The following ISYNA1 variants were observed in gnomAD, a reference collection of about 807,000 sequenced individuals.
ISYNA1 encodes the protein MI-1-P synthase.
A neutral mutation model predicts 50.3 loss-of-function variants in ISYNA1; 34 were observed. The ratio of observed to expected loss-of-function variants is 0.68; its 90% confidence interval spans 0.51 to 0.90. The LOEUF (loss-of-function observed/expected upper bound fraction) is 0.90, where lower values mean the gene tolerates loss of function less well. Ranked by LOEUF, ISYNA1 falls within the 40% of genes least tolerant of loss-of-function variation. The probability of loss-of-function intolerance (pLI) is 0.00; values close to 1 mark genes in which losing one functional copy is unlikely to be tolerated. For synonymous variants in ISYNA1, 396 were observed against 349.9 expected, an observed-to-expected ratio of 1.13 and a Z score of -1.47; for missense variants, 718 against 784.8, an observed-to-expected ratio of 0.91 and a Z score of 1.02.
Position 18,436,083 on chromosome 19 carries a change from C to T in ISYNA1, c.924G>A (p.Gln308=), listed in dbSNP as rs182999099. ...CCACAAGCACGGACTTGACTTTGGT[C>T]TGGCCTGACTTGAAGTCATCTCCGC... ...FVGGDDFKSG[Q]TKVKSVLVDF... is the part of the protein sequence containing the mutation. Residue 308 remains glutamine (Q), a synonymous_variant, in exon 7 of 11, where the codon CAG becomes CAA. Coordinates refer to ENST00000338128, the MANE Select transcript of ISYNA1 (RefSeq NM_016368.5). 1,022 of 1,613,278 alleles carry T rather than the reference C, an allele frequency of 6.3e-4. 2 individuals are homozygous for T. The highest frequency in any genetic ancestry group is 7.1e-4 in the Non-Finnish European group (834 of 1,179,952).
chr19:18,437,023 G>A lies in ISYNA1; in HGVS notation c.365C>T (p.Pro122Leu), dbSNP rs1241915245. ...CACCATGGGCAGCACCGCGCTGAAG[G>A]GTACGAACACCTCCTGGCCCTCGGC... ...LDAEGQEVFV[P>L]FSAVLPMVAP... is the part of the protein sequence containing the mutation. Residue 122 changes from proline to leucine, a missense_variant, in exon 4 of 11, where the codon CCC becomes CTC. Pro to Leu is a moderately conservative substitution (Grantham distance 98, BLOSUM62 -3). Coordinates refer to ENST00000338128, the MANE Select transcript of ISYNA1 (RefSeq NM_016368.5). 3.1e-6 allele frequency: 5 copies of A among 1,611,060 alleles called. No individual in the cohort carries two copies. The highest frequency in any genetic ancestry group is 4.2e-6 in the Non-Finnish European group (5 of 1,179,568).
intron 6 of ISYNA1, 37 bp downstream of exon 6, chr19:18,436,293 G>T: frequency 6.2e-7 from 1 of 1,609,174 alleles, no homozygotes. Context: ...TCTGTGACTG[G>T]CCCTGCCTGA....
Position 18,435,342 on chromosome 19 carries a change from C to A in ISYNA1, c.1396G>T (p.Ala466Ser), listed in dbSNP as rs1214303320. 32 of 1,610,408 alleles carry A rather than the reference C, an allele frequency of 2.0e-5. 1 individual carries two copies. The East Asian group carries it at 7.1e-4, about 36-fold the overall frequency. The change falls in exon 10 of 11, where the codon GCG (alanine) becomes TCG (serine). Residue 466 changes from alanine (A) to serine (S), a missense_variant. Coordinates refer to ENST00000338128, the MANE Select transcript of ISYNA1 (RefSeq NM_016368.5). ...GGGCTGCCGGGCGGCACTAGTGGCGCCTTGAAGAGGAAGCTGAGCAGGGAC... is the reference window on the plus strand; with the variant it reads ...GGGCTGCCGGGCGGCACTAGTGGCGACTTGAAGAGGAAGCTGAGCAGGGAC... ...VLSLLSFLFKAPLVPPGSPVV... is the reference protein window; with the variant it reads ...VLSLLSFLFKSPLVPPGSPVV...
chr19:18,436,566 G>T, intron 5 of ISYNA1, 87 bp from the exon 6 acceptor site: 1 of 1,596,698 alleles, frequency 6.3e-7, no homozygotes, highest in Non-Finnish European at 8.5e-7. Flanking sequence ...CAGAGGCCTG[G>T]GCTACTCAGT....
rs769628350 is a variant in ISYNA1, at chr19:18,436,724, G to A, written c.569C>T (p.Ala190Val). The A allele has an allele frequency of 1.3e-5, 20 of 1,566,498 alleles. No homozygotes were observed. Among genetic ancestry groups the A allele is most frequent in the Non-Finnish European group, 1.6e-5 (19 of 1,159,468 alleles). Residue 190 changes from alanine to valine, a missense_variant, in exon 5 of 11, where the codon GCG becomes GTG. By Grantham distance (64) the Ala-to-Val change is moderately conservative. This residue lies in a region of ISYNA1 where 403 missense variants were observed against 466.6 expected (regional missense o/e 0.86). Transcript: ENST00000338128. ...GCCTGGGATGAGGTTGTCCGCGCGC[G>A]CGCTCTGGTTGGCCGCGATGAATTC... ...IPEFIAANQS[A>V]RADNLIPGSR... is the part of the protein sequence containing the mutation.
Position 18,436,107 on chromosome 19 carries a change from G to T in ISYNA1, c.900C>A (p.Gly300=). The change falls in exon 7 of 11, where the codon GGC becomes GGA. Residue 300 remains glycine, a synonymous_variant. Transcript: ENST00000338128. The part of the protein sequence containing the change: ...ELAWQHRVFV[G]GDDFKSGQTK... ...TCTGGCCTGACTTGAAGTCATCTCCGCCCACAAAAACCCGGTGCTGCCACG... is the reference window on the plus strand; with the variant it reads ...TCTGGCCTGACTTGAAGTCATCTCCTCCCACAAAAACCCGGTGCTGCCACG... 1.2e-6 allele frequency: 2 copies of T among 1,612,926 alleles called. No individual in the cohort carries two copies.
In ISYNA1 at chr19:18,435,475, C is replaced by G; in HGVS notation, c.1263G>C (p.Leu421=). The change falls in exon 10 of 11, where the codon CTG becomes CTC. Residue 421 remains leucine, a synonymous_variant. Transcript: ENST00000338128. ...GGTCCAGCATGATGGGTGCGGCCAG[C>G]AGCGAGTCCTGCGGGGCGGGTGGGT... ...LVLHNTCEDS[L]LAAPIMLDLA... 1 of 1,608,774 alleles carries G rather than the reference C, an allele frequency of 6.2e-7. No homozygotes were observed. The highest frequency in any genetic ancestry group is 8.5e-7 in the Non-Finnish European group (1 of 1,179,662).
Position 18,437,847 on chromosome 19 carries a change from C to G in ISYNA1, c.120+13G>C. The G allele has an allele frequency of 1.2e-6, 2 of 1,611,138 alleles. No homozygotes were observed. Among genetic ancestry groups the G allele is most frequent in the Non-Finnish European group, 1.7e-6 (2 of 1,179,722 alleles). On this transcript the variant is annotated intron_variant, in intron 2 of 10. Transcript: ENST00000338128. ...CTCCCCAGCACGCCTCCTTCCTCAG[C>G]CCCCTGGTCCACCTTGAGAACGCCA... is the stretch of plus-strand genomic sequence containing the variant.
In ISYNA1 at chr19:18,437,970, C is replaced by G. The variant is rs760310639; in HGVS notation, c.10G>C (p.Ala4Pro). 6.3e-7 allele frequency: 1 copy of G among 1,579,244 alleles called. No individual in the cohort carries two copies. Among genetic ancestry groups the G allele is most frequent in the East Asian group, 2.3e-5 (1 of 42,944 alleles). ...GGGCTCTCGACGAAGAACTGGGCGG[C>G]GGCCTCCATCGCGGCGGGCTGGGGG... is the stretch of plus-strand genomic sequence containing the variant. Reference protein sequence around the residue: MEAAAQFFVESPDV... With the variant: MEAPAQFFVESPDV... Residue 4 changes from alanine (A) to proline (P), a missense_variant, in exon 2 of 11, where the codon GCC (alanine) becomes CCC (proline). Ala to Pro is a conservative substitution (Grantham distance 27). This residue lies in a region of ISYNA1 where 403 missense variants were observed against 466.6 expected (regional missense o/e 0.86). Transcript: ENST00000338128.
Position 18,435,634 on chromosome 19 carries a change from C to T in ISYNA1, c.1183G>A (p.Ala395Thr), listed in dbSNP as rs778239804. The T allele has an allele frequency of 6.2e-7, 1 of 1,611,538 alleles. No individual in the cohort carries two copies. Among genetic ancestry groups the T allele is most frequent in the African/African-American group, 1.3e-5 (1 of 74,926 alleles). Reference protein sequence around the residue: ...YVPYVGDSKRALDEYTSELML... With the variant: ...YVPYVGDSKRTLDEYTSELML... ...AGCTCCGAGGTATACTCATCCAGCG[C>T]GCGCTTGCTGTCACCCACGTACGGC... The change falls in exon 9 of 11, where the codon GCG (alanine) becomes ACG (threonine). Residue 395 changes from alanine to threonine, a missense_variant. Ala to Thr is a moderately conservative substitution (Grantham distance 58). This residue lies in a region of ISYNA1 where 305 missense variants were observed against 292.6 expected (regional missense o/e 1.04). Coordinates refer to ENST00000338128, the MANE Select transcript of ISYNA1 (RefSeq NM_016368.5).
chr19:18,438,101 A>G lies in ISYNA1; in HGVS notation c.-18T>C. 1 of 1,088,638 alleles carries G rather than the reference A, an allele frequency of 9.2e-7. No homozygotes were observed. Among genetic ancestry groups the G allele is most frequent in the Non-Finnish European group, 1.2e-6 (1 of 809,386 alleles). 67.4% of individuals were successfully genotyped at this position (1,088,638 alleles called of 1,614,324 possible). A position where few individuals can be genotyped will look rare whatever the true frequency, so the allele number is the denominator to read the frequency against. ...CCCCGAACCGCACTCACCGGCGCAGAGTCGACTCAGGCAGCGGCGGCGGAC... is the reference window on the plus strand; with the variant it reads ...CCCCGAACCGCACTCACCGGCGCAGGGTCGACTCAGGCAGCGGCGGCGGAC... On this transcript the variant is annotated 5_prime_UTR_variant, in exon 1 of 11. Coordinates refer to ENST00000338128, the MANE Select transcript of ISYNA1 (RefSeq NM_016368.5).
At chr19:18,435,165 AG>A (rs763517028) in intron 10 of ISYNA1, 48 bp from the exon 11 acceptor site, 29 of 1,603,006 alleles carry the variant, frequency 1.8e-5, no homozygotes, top group Middle Eastern at 1.7e-4. Flanking sequence ...ACAGGGAGAA[AG>A]GGGGGGTATC....
rs1240785990 is a variant in ISYNA1 at position 18,437,856 on chromosome 19, C to A, written c.120+4G>T. The A allele has an allele frequency of 1.2e-6, 2 of 1,611,648 alleles. No homozygotes were observed. Among genetic ancestry groups the A allele is most frequent in the Non-Finnish European group, 1.7e-6 (2 of 1,179,788 alleles). ...ACGCCTCCTTCCTCAGCCCCCTGGTCCACCTTGAGAACGCCACCCTCGCGG... is the reference window on the plus strand; with the variant it reads ...ACGCCTCCTTCCTCAGCCCCCTGGTACACCTTGAGAACGCCACCCTCGCGG... On this transcript the variant is annotated splice_donor_region_variant and intron_variant, in intron 2 of 10. Coordinates refer to ENST00000338128, the MANE Select transcript of ISYNA1 (RefSeq NM_016368.5).
chr19:18,437,405 C>T, intron 3 of ISYNA1, 194 bp downstream of exon 3: 2 of 1,148,468 alleles, frequency 1.7e-6, no homozygotes, highest in African/African-American at 1.6e-5. Flanking sequence ...GAGCTTCGCC[C>T]CCTGCAGGTC....
Position 18,434,975 on chromosome 19 carries a change from T to C in ISYNA1, c.1615A>G (p.Asn539Asp). Reference protein sequence around the residue: ...NKKGPVPAATNGCTGDANGHL... With the variant: ...NKKGPVPAATDGCTGDANGHL... ...CCATTGGCATCACCGGTGCAGCCAT[T>C]GGTGGCAGCGGGTACCGGTCCTTTC... Residue 539 changes from asparagine (N) to aspartate (D), a missense_variant, in exon 11 of 11, where the codon AAT becomes GAT. Asn to Asp is a conservative substitution (Grantham distance 23, BLOSUM62 1). Transcript: ENST00000338128. The C allele has an allele frequency of 6.2e-7, 1 of 1,613,494 alleles. No homozygotes were observed. Among genetic ancestry groups the C allele is most frequent in the Non-Finnish European group, 8.5e-7 (1 of 1,179,994 alleles).
chr19:18,435,789 G>A lies in ISYNA1; in HGVS notation c.1108C>T (p.Leu370Phe). The part of the protein sequence containing the change: ...VDDMVQSNPV[L>F]YTPGEEPDHC... ...TCAGGCTCTTCGCCGGGCGTATAGA[G>A]CACTGGGTTGCTCTGCACCATGTCG... The change falls in exon 8 of 11, where the codon CTC (leucine) becomes TTC (phenylalanine). Residue 370 changes from leucine (L) to phenylalanine (F), a missense_variant. By Grantham distance (22) the Leu-to-Phe change is conservative. Around this residue, in one of 3 missense-constraint regions of ISYNA1, gnomAD observed 305 missense variants for 292.6 expected, o/e 1.04. Transcript: ENST00000338128. 6 of 1,613,662 alleles carry A rather than the reference G, an allele frequency of 3.7e-6. No individual in the cohort carries two copies. Among genetic ancestry groups the A allele is most frequent in the Non-Finnish European group, 4.2e-6 (5 of 1,179,926 alleles).
rs539012860 is a variant in ISYNA1 at position 18,435,057 on chromosome 19, T to C, written c.1533A>G (p.Pro511=). 1.4e-5 allele frequency: 22 copies of C among 1,613,544 alleles called. No individual in the cohort carries two copies. In the African/African-American group the frequency reaches 2.9e-4, roughly 22 times the overall value. Residue 511 remains proline (P), a synonymous_variant, in exon 11 of 11, where the codon CCA becomes CCG. Transcript: ENST00000338128. ...HMLLEHKMER[P]GPSLKRVGPV... is the part of the protein sequence containing the mutation. ...GTCCAACTCGCTTGAGGCTGGGCCC[T>C]GGGCGCTCCATTTTGTGTTCCAGGA...
Position 18,434,394 on chromosome 19 carries a change from T to A in ISYNA1, c.*519A>T, listed in dbSNP as rs1173996919. The A allele has an allele frequency of 1.5e-6, 2 of 1,371,770 alleles. No individual in the cohort carries two copies. The highest frequency in any genetic ancestry group is 1.9e-6 in the Non-Finnish European group (2 of 1,047,638). The allele number at this position is 1,371,770 out of a possible 1,614,324, so 85.0% of individuals were successfully genotyped here. On this transcript the variant is annotated 3_prime_UTR_variant, in exon 11 of 11. Transcript: ENST00000338128. Reference sequence around the variant, plus strand: ...TGGGAGGCCCCACACGAAAGACTCTTACCATTTTATTAAAAACGCAAGGAC... The same window carrying A: ...TGGGAGGCCCCACACGAAAGACTCTAACCATTTTATTAAAAACGCAAGGAC...
At chr19:18,437,184 T>C in intron 3 of ISYNA1, 79 bp from the exon 4 acceptor site, 2 of 1,474,210 alleles carry the variant, frequency 1.4e-6, no homozygotes, top group Admixed American at 2.4e-5. Context: ...CCACCTAGAC[T>C]CTCAAGCCCC....
Sources: gnomAD v4.1 joint callset for allele counts on GRCh38, gnomAD v4.1.1 for gene constraint, gnomAD v4.1.1 regional missense constraint, MANE v1.5 for transcripts, NCBI Gene and HGNC (gene_info 2026-07-23, HGNC 2026-07-21) for gene names.